The following RAVER2 variants were observed in gnomAD, a reference collection of about 807,000 sequenced individuals.
RAVER2 encodes the protein ribonucleoprotein PTB-binding 2.
Under a neutral mutation model 78.1 loss-of-function variants are expected in RAVER2, and 46 were observed. The observed-to-expected ratio is 0.59, with a 90% CI of 0.46 to 0.75. The LOEUF (loss-of-function observed/expected upper bound fraction) is 0.75, where lower values mean the gene tolerates loss of function less well. Ranked by LOEUF, RAVER2 falls within the 30% of genes least tolerant of loss-of-function variation. The pLI, the probability that RAVER2 is intolerant of heterozygous loss-of-function variation, is 0.00. For missense variants in RAVER2, 793 were observed against 837.5 expected, an observed-to-expected ratio of 0.95 and a Z score of 0.66; for synonymous variants, 311 against 313.3, an observed-to-expected ratio of 0.99 and a Z score of 0.08.
intron 5 of RAVER2, among the ~76,000 whole-genome samples, chr1:64,799,172 G>A (rs527432767): frequency 6.6e-6 from 1 of 152,046 alleles, no homozygotes; most frequent in Non-Finnish European, 1.5e-5. Context: ...TGTATATGAG[G>A]GAGAACATGC....
Position 64,781,526 on chromosome 1 carries a change from G to GC in RAVER2, c.935dup (p.Gly313ArgfsTer18). On this transcript the variant is annotated frameshift_variant, in exon 4 of 12. Coordinates refer to ENST00000294428, the Ensembl canonical transcript of RAVER2. LOFTEE classifies it high-confidence loss of function. ...AGGTTTCCTTCTGTGCTCCTGGAGC[G>GC]CCAGGGCGAAGTACATTAGCAGCAT... The GC allele has an allele frequency of 6.2e-7, 1 of 1,614,088 alleles. No homozygotes were observed. The highest frequency in any genetic ancestry group is 8.5e-7 in the Non-Finnish European group (1 of 1,179,968).
At chr1:64,818,096 G>T (rs1307362307) in intron 11 of RAVER2, among the ~76,000 whole-genome samples, 4 of 152,150 alleles carry the variant, frequency 2.6e-5, no homozygotes, top group Non-Finnish European at 5.9e-5. Context: ...TCTGCTTATG[G>T]ATTAGGAGAG....
intron 11 of RAVER2, among the ~76,000 whole-genome samples, chr1:64,820,720 A>G (rs1310913983): frequency 2.6e-5 from 4 of 152,220 alleles, no homozygotes; most frequent in Non-Finnish European, 5.9e-5. Context: ...AGCTCTATCC[A>G]TGTTCCCACA....
intron 1 of RAVER2, among the ~76,000 whole-genome samples, chr1:64,752,588 T>G (rs1431669496): frequency 2.6e-5 from 4 of 152,178 alleles, no homozygotes; most frequent in African/African-American, 9.7e-5. Flanking sequence ...AGATTTCCCC[T>G]TGAAGACCTA....
chr1:64,820,104 T>G (rs924579977), intron 11 of RAVER2, among the ~76,000 whole-genome samples: 1 of 152,180 alleles, frequency 6.6e-6, no homozygotes, highest in Non-Finnish European at 1.5e-5. Context: ...GTTATAATAT[T>G]TTACATGAAG....
At chr1:64,824,284 G>A (rs55744922) in intron 11 of RAVER2, among the ~76,000 whole-genome samples, 302 of 152,300 alleles carry the variant, frequency 2.0e-3, no homozygotes, top group African/African-American at 7.1e-3. Flanking sequence ...ATGAGATGAT[G>A]TGATGAGGGG....
chr1:64,781,864 T>C (rs1652638595), intron 4 of RAVER2, among the ~76,000 whole-genome samples: 1 of 152,220 alleles, frequency 6.6e-6, no homozygotes, highest in African/African-American at 2.4e-5. Context: ...TCTTGTGTTA[T>C]AAATTTTGAG....
At chr1:64,799,565 C>G (rs1653201370) in intron 5 of RAVER2, among the ~76,000 whole-genome samples, 1 of 152,150 alleles carries the variant, frequency 6.6e-6, no homozygotes, top group African/African-American at 2.4e-5. Context: ...GCCTCAGCCT[C>G]CCGAGTAGCT....
intron 1 of RAVER2, among the ~76,000 whole-genome samples, chr1:64,763,039 G>A (rs921757941): frequency 1.3e-5 from 2 of 152,254 alleles, no homozygotes; most frequent in Admixed American, 1.3e-4. Flanking sequence ...ACTGGGCACA[G>A]TGGGTCACGC....
intron 1 of RAVER2, among the ~76,000 whole-genome samples, chr1:64,753,814 G>T (rs1447259266): frequency 6.6e-6 from 1 of 152,104 alleles, no homozygotes; most frequent in Non-Finnish European, 1.5e-5. Context: ...GAGCCACCGT[G>T]CCCGGCCTCT....
At chr1:64,810,188 C>T (rs1370917325) in intron 9 of RAVER2, among the ~76,000 whole-genome samples, 1 of 152,202 alleles carries the variant, frequency 6.6e-6, no homozygotes, top group Non-Finnish European at 1.5e-5. Context: ...TTTTACATTC[C>T]TGCTAGCAGT....
chr1:64,831,832 T>C (rs1444004952), exon 12 of RAVER2: 1 of 152,166 alleles, frequency 6.6e-6, no homozygotes, highest in East Asian at 1.9e-4. Context: ...AAATAAACTT[T>C]TATTGGGACG....
chr1:64,779,853 A>G (rs1446592877), intron 3 of RAVER2, among the ~76,000 whole-genome samples: 2 of 151,712 alleles, frequency 1.3e-5, no homozygotes, highest in South Asian at 2.1e-4. Flanking sequence ...ATTTGCTACC[A>G]TATTTTTGAG....
At chr1:64,813,510 C>T (rs1653677155) in intron 10 of RAVER2, among the ~76,000 whole-genome samples, 1 of 151,866 alleles carries the variant, frequency 6.6e-6, no homozygotes, top group Non-Finnish European at 1.5e-5. Flanking sequence ...TATATCCTTA[C>T]ATGTATATAC....
At chr1:64,796,071 C>T (rs1280861807) in intron 5 of RAVER2, among the ~76,000 whole-genome samples, 1 of 151,926 alleles carries the variant, frequency 6.6e-6, no homozygotes, top group African/African-American at 2.4e-5. Flanking sequence ...TATCTGTTAA[C>T]ATGATACATT....
At chr1:64,799,651 G>A (rs139689886) in intron 5 of RAVER2, among the ~76,000 whole-genome samples, 3,121 of 152,152 alleles carry the variant, frequency 0.021, 114 homozygotes, top group African/African-American at 0.072. Context: ...ATGTTGGCCA[G>A]GCTGATCTCG....
intron 8 of RAVER2, among the ~76,000 whole-genome samples, chr1:64,805,867 C>G (rs1653404164): frequency 6.6e-6 from 1 of 152,136 alleles, no homozygotes; most frequent in Non-Finnish European, 1.5e-5. Flanking sequence ...TTTGTGATAT[C>G]ATGGGGTCTG....
intron 1 of RAVER2, among the ~76,000 whole-genome samples, chr1:64,761,544 G>A (rs1652021673): frequency 1.3e-5 from 2 of 152,104 alleles, no homozygotes; most frequent in South Asian, 4.1e-4. Context: ...ACTTACAGCA[G>A]GCAGGAATAG....
intron 4 of RAVER2, among the ~76,000 whole-genome samples, chr1:64,784,231 C>A (rs546393840): frequency 6.6e-6 from 1 of 152,200 alleles, no homozygotes; most frequent in South Asian, 2.1e-4. Context: ...AAAAAGTTAG[C>A]TAGACTTAGT....
Sources: allele counts gnomAD v4.1 joint callset (sites outside exome capture counted in the v4.1 genomes callset), GRCh38; gene constraint gnomAD v4.1.1; transcripts MANE v1.5; gene names NCBI Gene and HGNC (gene_info 2026-07-23, HGNC 2026-07-21).